The following IL2RB variants were observed in gnomAD, a reference collection of about 807,000 sequenced individuals.
IL2RB encodes interleukin 2 receptor subunit beta.
A neutral mutation model predicts 44.2 loss-of-function variants in IL2RB; 17 were observed. The observed-to-expected ratio is 0.38, with a 90% CI of 0.26 to 0.58. The LOEUF is 0.58. Among genes scored for constraint, IL2RB ranks in the 20% least tolerant of loss-of-function variants. IL2RB has a pLI of 0.63. For missense variants in IL2RB, 624 were observed against 685.5 expected, an observed-to-expected ratio of 0.91 and a Z score of 1.00; for synonymous variants, 286 against 297.9, an observed-to-expected ratio of 0.96 and a Z score of 0.41.
chr22:37,156,370 G>A (rs780031581), intron 1 of IL2RB, among the ~76,000 whole-genome samples: 1 of 152,216 alleles, frequency 6.6e-6, no homozygotes, highest in Non-Finnish European at 1.5e-5. Flanking sequence ...GAAGAAAACA[G>A]TGACCTAAAA....
chr22:37,152,755 T>A (rs1209977598), upstream of IL2RB, among the ~76,000 whole-genome samples: 1 of 151,986 alleles, frequency 6.6e-6, no homozygotes, highest in African/African-American at 2.4e-5. Context: ...CTCTTTTTTT[T>A]AAATGATGGA....
intron 8 of IL2RB, among the ~76,000 whole-genome samples, chr22:37,135,094 G>A (rs1601597284): frequency 6.6e-6 from 1 of 152,244 alleles, no homozygotes; most frequent in African/African-American, 2.4e-5. Context: ...GTGGGGATGC[G>A]ACACAGGGAA....
intron 1 of IL2RB, among the ~76,000 whole-genome samples, chr22:37,149,491 C>G (rs1922385523): frequency 6.6e-6 from 1 of 152,214 alleles, no homozygotes; most frequent in African/African-American, 2.4e-5. Flanking sequence ...GGCACCCAGG[C>G]TATCCACCCA....
At chr22:37,131,452 C>A (rs931208326) in intron 9 of IL2RB, among the ~76,000 whole-genome samples, 1 of 152,174 alleles carries the variant, frequency 6.6e-6, no homozygotes, top group South Asian at 2.1e-4. Context: ...AAGCTTCCTG[C>A]CTGAAGGGGG....
At chr22:37,172,437 T>C (rs865962788) in intron 1 of IL2RB, among the ~76,000 whole-genome samples, 4 of 152,010 alleles carry the variant, frequency 2.6e-5, no homozygotes, top group Middle Eastern at 3.2e-3. Context: ...CTGCTAGGGT[T>C]GGGGCCTCCC....
chr22:37,155,503 C>A (rs1351349913), intron 1 of IL2RB, among the ~76,000 whole-genome samples: 1 of 152,234 alleles, frequency 6.6e-6, no homozygotes, highest in Non-Finnish European at 1.5e-5. Context: ...TGCTTTCTCA[C>A]TCTGTCAGGG....
upstream of IL2RB, among the ~76,000 whole-genome samples, chr22:37,154,290 C>T (rs915414619): frequency 2.0e-5 from 3 of 152,180 alleles, no homozygotes; most frequent in Non-Finnish European, 2.9e-5. Context: ...GAGGGGGCTA[C>T]GCAGAGAATG....
intron 1 of IL2RB, among the ~76,000 whole-genome samples, chr22:37,172,331 T>TG (rs1475076476): frequency 6.6e-6 from 1 of 151,968 alleles, no homozygotes; most frequent in African/African-American, 2.4e-5. Context: ...CCGCTGTGCT[T>TG]GGGATCCCTG....
At chr22:37,153,754 C>A (rs192443745), upstream of IL2RB, among the ~76,000 whole-genome samples, 2 of 152,294 alleles carry the variant, frequency 1.3e-5, no homozygotes. Context: ...TCTCTATAGA[C>A]CCTTTTGTAT....
chr22:37,143,976 G>A (rs1601603378), intron 2 of IL2RB, 109 bp downstream of exon 2: 1 of 1,461,462 alleles, frequency 6.8e-7, no homozygotes, highest in Admixed American at 2.0e-5. Context: ...TGAGGCAGGA[G>A]GTGGACACCT....
intron 6 of IL2RB, among the ~76,000 whole-genome samples, chr22:37,136,814 C>T (rs1404180704): frequency 1.3e-5 from 2 of 152,180 alleles, no homozygotes; most frequent in Non-Finnish European, 2.9e-5. Flanking sequence ...TTTGCCTCCT[C>T]CTGCTCCCCA....
At chr22:37,161,599 C>T (rs1422915699) in intron 1 of IL2RB, among the ~76,000 whole-genome samples, 1 of 148,542 alleles carries the variant, frequency 6.7e-6, no homozygotes, top group Non-Finnish European at 1.5e-5. Flanking sequence ...GCGGGGAGAG[C>T]ATGTGACCAG....
At chr22:37,153,261 A>G (rs531620774), upstream of IL2RB, among the ~76,000 whole-genome samples, 1 of 152,182 alleles carries the variant, frequency 6.6e-6, no homozygotes, top group African/African-American at 2.4e-5. Context: ...AAGAAGAGAG[A>G]GAAGAGCAGA....
upstream of IL2RB, among the ~76,000 whole-genome samples, chr22:37,151,505 T>G (rs562524926): frequency 2.0e-3 from 311 of 152,346 alleles, no homozygotes; most frequent in Non-Finnish European, 3.6e-3. Flanking sequence ...TCTCCCATTC[T>G]GTGGGTTGTC....
rs889792718 is a variant in IL2RB, at chr22:37,137,841, C to A, written c.389-106G>T. On this transcript the variant is annotated intron_variant, in intron 5 of 9. Transcript: ENST00000216223. The stretch of plus-strand genomic sequence containing the variant: ...GCACATGCTACCACCTCCCCTACCC[C>A]CCGACCCAAAGCCCCAGGACCCGCT... 1.1e-5 allele frequency: 11 copies of A among 1,023,754 alleles called. No homozygotes were observed. In the East Asian group the frequency reaches 1.5e-4, roughly 14 times the overall value. 63.4% of individuals were successfully genotyped at this position (1,023,754 alleles called of 1,614,324 possible).
intron 1 of IL2RB, among the ~76,000 whole-genome samples, chr22:37,147,116 G>A (rs3218261): frequency 0.07 from 10,596 of 152,266 alleles, 401 homozygotes; most frequent in Non-Finnish European, 0.094. Context: ...ACTCCACGCC[G>A]CTCTGCCACC....
intron 7 of IL2RB, 49 bp downstream of exon 7, chr22:37,136,179 C>A: frequency 6.4e-7 from 1 of 1,560,932 alleles, no homozygotes; most frequent in Non-Finnish European, 8.7e-7. Context: ...CCTCCTCCAG[C>A]CGCCCCCTCC....
At chr22:37,143,086 G>C (rs1471594961) in intron 3 of IL2RB, among the ~76,000 whole-genome samples, 1 of 152,020 alleles carries the variant, frequency 6.6e-6, no homozygotes, top group Non-Finnish European at 1.5e-5. Flanking sequence ...CCATCCACCA[G>C]GCACCCAAAC....
Position 37,128,012 on chromosome 22 carries a change from C to A in IL2RB, c.*84G>T. ...GCAACTGGACACTGAGTGTCCTCAGCAGTGGACTGAGGACCCTCAACAGGG... is the reference window on the plus strand; with the variant it reads ...GCAACTGGACACTGAGTGTCCTCAGAAGTGGACTGAGGACCCTCAACAGGG... On this transcript the variant is annotated 3_prime_UTR_variant, in exon 10 of 10. Transcript: ENST00000216223. This position sits in a 1 kb window ranked among gnomAD's most constrained non-coding sequence, Gnocchi z 4.5. 8.8e-7 allele frequency: 1 copy of A among 1,138,488 alleles called. No individual in the cohort carries two copies. The highest frequency in any genetic ancestry group is 2.1e-5 in the South Asian group (1 of 47,924). 70.5% of individuals were successfully genotyped at this position (1,138,488 alleles called of 1,614,324 possible). A position where few individuals can be genotyped will look rare whatever the true frequency, so the allele number is the denominator to read the frequency against.
Sources: allele counts gnomAD v4.1 joint callset (sites outside exome capture counted in the v4.1 genomes callset), GRCh38; gene constraint gnomAD v4.1.1; non-coding constraint Gnocchi (gnomAD v3.1); transcripts MANE v1.5; gene names NCBI Gene and HGNC (gene_info 2026-07-23, HGNC 2026-07-21).